Variants in RHPN2 observed in about 807,000 individuals in gnomAD.
RHPN2 encodes the protein rhophilin Rho GTPase binding protein 2.
In RHPN2, 40 loss-of-function variants were observed where a neutral mutation model predicts 79.0. That is an observed-to-expected ratio of 0.51 (90% CI 0.39 to 0.66). RHPN2 has a LOEUF of 0.66. RHPN2 is among the 30% of genes least tolerant of loss of function. RHPN2 has a pLI of 0.00. For missense variants in RHPN2, 686 were observed against 883.5 expected, an observed-to-expected ratio of 0.78 and a Z score of 2.83; for synonymous variants, 285 against 363.5, an observed-to-expected ratio of 0.78 and a Z score of 2.46.
At chr19:33,025,202 G>A (rs538496208) in intron 3 of RHPN2, among the ~76,000 whole-genome samples, 1 of 151,958 alleles carries the variant, frequency 6.6e-6, no homozygotes, top group Admixed American at 6.6e-5. Flanking sequence ...GCCAGGCACA[G>A]TGGCTCACAT....
intron 7 of RHPN2, among the ~76,000 whole-genome samples, chr19:33,003,469 C>T (rs1971767346): frequency 6.6e-6 from 1 of 150,476 alleles, no homozygotes; most frequent in East Asian, 1.9e-4. Flanking sequence ...AGCAATTCCA[C>T]TCCTATGATA....
In RHPN2 at chr19:33,002,761, T is replaced by G. The variant is rs1971759864; in HGVS notation, c.948+52A>C. The G allele has an allele frequency of 1.0e-5, 16 of 1,598,674 alleles. No individual in the cohort carries two copies. The Admixed American group carries it at 2.7e-4, about 27-fold the overall frequency. ...GGCCCCGCTACTTCCAGTGCTCCTG[T>G]GCCAGCATCTCCTGCCCACTCCCCA... On this transcript the variant is annotated intron_variant, in intron 8 of 14. Transcript: ENST00000254260.
chr19:33,033,697 C>T (rs1429540024), intron 2 of RHPN2, among the ~76,000 whole-genome samples: 2 of 151,838 alleles, frequency 1.3e-5, no homozygotes, highest in Admixed American at 6.6e-5. Flanking sequence ...GGAGAAATCT[C>T]GTCTCTACTG....
chr19:33,064,046 GC>G (rs1417378244), intron 1 of RHPN2, among the ~76,000 whole-genome samples: 1 of 152,124 alleles, frequency 6.6e-6, no homozygotes, highest in Admixed American at 6.6e-5. Flanking sequence ...CATTTTGGAG[GC>G]AAAAAGAGAC....
At chr19:32,992,813 T>TAAAA (rs56178801) in intron 12 of RHPN2, among the ~76,000 whole-genome samples, 3 of 119,756 alleles carry the variant, frequency 2.5e-5, no homozygotes, top group South Asian at 2.7e-4. Flanking sequence ...GACCCTGTCT[T>TAAAA]AAAAAAAAAA....
At chr19:33,019,260 C>T (rs1971903853) in intron 4 of RHPN2, among the ~76,000 whole-genome samples, 2 of 151,842 alleles carry the variant, frequency 1.3e-5, no homozygotes, top group African/African-American at 4.8e-5. Flanking sequence ...GCCTGGGCAA[C>T]AGTGGGAAAC....
intron 1 of RHPN2, among the ~76,000 whole-genome samples, chr19:33,056,593 G>A (rs1223973225): frequency 3.9e-5 from 6 of 152,176 alleles, no homozygotes; most frequent in Non-Finnish European, 1.5e-5. Context: ...AGTAGGAAGA[G>A]CATAAAAATC....
At chr19:33,059,362 G>A (rs1454368437) in intron 1 of RHPN2, among the ~76,000 whole-genome samples, 6 of 150,364 alleles carry the variant, frequency 4.0e-5, no homozygotes, top group Admixed American at 6.6e-5. Context: ...GCAGTGGCGC[G>A]ATCTCGGCTC....
Position 32,999,561 on chromosome 19 carries a change from C to A in RHPN2, c.1225+25G>T, listed in dbSNP as rs1242426164. 5.0e-6 allele frequency: 8 copies of A among 1,605,056 alleles called. No individual in the cohort carries two copies. The South Asian group carries it at 7.7e-5, about 15-fold the overall frequency. On this transcript the variant is annotated intron_variant, in intron 10 of 14. Coordinates refer to ENST00000254260, the MANE Select transcript of RHPN2 (RefSeq NM_033103.5). ...CCAGCTGGGCACCAAGTGGGGCCCACATCTGGGTGCAGGGGGACACGCACC... is the reference window on the plus strand; with the variant it reads ...CCAGCTGGGCACCAAGTGGGGCCCAAATCTGGGTGCAGGGGGACACGCACC...
chr19:33,034,105 G>C (rs113843949), intron 2 of RHPN2, among the ~76,000 whole-genome samples: 6,245 of 150,516 alleles, frequency 0.041, 351 homozygotes, highest in African/African-American at 0.13. Context: ...CAATCCTCTT[G>C]CCTCATCCTC....
intron 3 of RHPN2, among the ~76,000 whole-genome samples, chr19:33,024,989 C>G (rs530137614): frequency 2.6e-5 from 4 of 152,050 alleles, no homozygotes; most frequent in South Asian, 2.1e-4. Context: ...TGGGCTCAAG[C>G]GATCCCCCAC....
intron 2 of RHPN2, among the ~76,000 whole-genome samples, chr19:33,028,926 G>A (rs1168256939): frequency 2.0e-5 from 3 of 152,002 alleles, no homozygotes; most frequent in African/African-American, 7.2e-5. Context: ...ATCACCTGAG[G>A]TCAGGAGTTC....
intron 2 of RHPN2, among the ~76,000 whole-genome samples, chr19:33,038,979 T>G (rs1972079624): frequency 6.6e-6 from 1 of 152,094 alleles, no homozygotes; most frequent in Non-Finnish European, 1.5e-5. Flanking sequence ...TTTTTTAAAG[T>G]AATACATGTG....
chr19:32,979,918 T>G lies in RHPN2; in HGVS notation c.*78A>C. The G allele has an allele frequency of 6.6e-7, 1 of 1,520,980 alleles. No homozygotes were observed. The highest frequency in any genetic ancestry group is 9.1e-7 in the Non-Finnish European group (1 of 1,096,506). The allele number at this position is 1,520,980 out of a possible 1,614,324, so 94.2% of individuals were successfully genotyped here. On this transcript the variant is annotated 3_prime_UTR_variant, in exon 15 of 15. Transcript: ENST00000254260. Reference sequence around the variant, plus strand: ...GATTTGAGAACAGATAGATAGATATTTTCCATTATGGCACAAACGTTTAAG... The same window carrying G: ...GATTTGAGAACAGATAGATAGATATGTTCCATTATGGCACAAACGTTTAAG...
At chr19:33,045,582 T>G (rs1203917723) in intron 1 of RHPN2, among the ~76,000 whole-genome samples, 1 of 152,004 alleles carries the variant, frequency 6.6e-6, no homozygotes. Context: ...CAAGTGATTC[T>G]CCTGCCTCAG....
intron 12 of RHPN2, among the ~76,000 whole-genome samples, chr19:32,993,537 C>T (rs1215764837): frequency 1.3e-5 from 2 of 151,536 alleles, no homozygotes; most frequent in South Asian, 4.2e-4. Context: ...ATGTTTGTAC[C>T]CTCCCAAAGT....
chr19:33,039,786 T>C (rs1380671577), intron 2 of RHPN2, among the ~76,000 whole-genome samples: 6 of 147,420 alleles, frequency 4.1e-5, no homozygotes, highest in Non-Finnish European at 1.5e-5. Context: ...TGCAGTGAGC[T>C]AAGATCACGC....
At chr19:33,059,302 ATT>A (rs537027276) in intron 1 of RHPN2, among the ~76,000 whole-genome samples, 4 of 136,854 alleles carry the variant, frequency 2.9e-5, no homozygotes, top group African/African-American at 5.4e-5. Flanking sequence ...TTCTTTTATC[ATT>A]TTTTTTTTTT....
chr19:33,058,952 G>A (rs1029480167), intron 1 of RHPN2, among the ~76,000 whole-genome samples: 1 of 152,030 alleles, frequency 6.6e-6, no homozygotes, highest in Admixed American at 6.6e-5. Flanking sequence ...ACAATTAGCC[G>A]GGCATGGTGG....
Sources: gnomAD v4.1 joint callset for allele counts (sites outside exome capture counted in the v4.1 genomes callset) on GRCh38, gnomAD v4.1.1 for gene constraint, MANE v1.5 for transcripts, NCBI Gene and HGNC (gene_info 2026-07-23, HGNC 2026-07-21) for gene names.